Variants in MYO5B observed in about 807,000 individuals in gnomAD.
MYO5B encodes the protein unconventional myosin-Vb.
In MYO5B, 143 loss-of-function variants were observed where a neutral mutation model predicts 229.3. That is an observed-to-expected ratio of 0.62 (90% CI 0.54 to 0.72). MYO5B has a LOEUF of 0.72. Ranked by LOEUF, MYO5B falls within the 30% of genes least tolerant of loss-of-function variation. The pLI, the probability that MYO5B is intolerant of heterozygous loss-of-function variation, is 0.00. For synonymous variants in MYO5B, 918 were observed against 885.2 expected (o/e 1.04, Z -0.66); for missense variants, 2,321 against 2,331.0 (o/e 1.00, Z 0.09).
At chr18:49,846,170 C>A (rs2024123554) in intron 33 of MYO5B, among the ~76,000 whole-genome samples, 1 of 152,188 alleles carries the variant, frequency 6.6e-6, no homozygotes, top group South Asian at 2.1e-4. Context: ...TAAAAGCCAA[C>A]CCTGATGAAC....
intron 22 of MYO5B, among the ~76,000 whole-genome samples, chr18:49,887,847 A>AT (rs34414045): frequency 1.5e-3 from 227 of 150,740 alleles, no homozygotes; most frequent in South Asian, 4.7e-3. Flanking sequence ...AGCCCGGCTA[A>AT]TTTTTTTTTT....
intron 17 of MYO5B, among the ~76,000 whole-genome samples, chr18:49,916,684 T>A (rs540609447): frequency 6.6e-6 from 1 of 151,980 alleles, no homozygotes; most frequent in Non-Finnish European, 1.5e-5. Context: ...CCACCATCGC[T>A]TCGTGGCCGT....
intron 1 of MYO5B, among the ~76,000 whole-genome samples, chr18:50,192,020 G>T (rs996910073): frequency 1.3e-5 from 2 of 151,620 alleles, no homozygotes; most frequent in Non-Finnish European, 2.9e-5. Context: ...AAGAAGGGAC[G>T]AAGCGATGTC....
At chr18:49,846,369 C>T (rs1026306226) in intron 33 of MYO5B, among the ~76,000 whole-genome samples, 2 of 152,200 alleles carry the variant, frequency 1.3e-5, no homozygotes, top group African/African-American at 2.4e-5. Flanking sequence ...GCTGATGCTG[C>T]TGGTCCAGGG....
chr18:50,194,966 C>T lies in MYO5B; in HGVS notation c.-173G>A. 2.0e-6 allele frequency: 2 copies of T among 994,232 alleles called. No homozygotes were observed. Among genetic ancestry groups the T allele is most frequent in the East Asian group, 3.6e-5 (1 of 27,576 alleles). 61.6% of individuals were successfully genotyped at this position (994,232 alleles called of 1,614,324 possible). On this transcript the variant is annotated 5_prime_UTR_variant, in exon 1 of 40. Transcript: ENST00000285039. ...GCAGGCGCCGCGGCCGGCTCGCTCC[C>T]GGCGGCGCGACCTTTACTCCCGCCG...
chr18:50,079,799 C>A (rs1308851402), intron 1 of MYO5B, among the ~76,000 whole-genome samples: 1 of 152,094 alleles, frequency 6.6e-6, no homozygotes, highest in Non-Finnish European at 1.5e-5. Context: ...CCCTGGGCAA[C>A]AGCCCAGCTG....
chr18:49,904,854 T>C (rs2024882114), intron 19 of MYO5B, 26 bp from the exon 20 acceptor site: 5 of 1,611,988 alleles, frequency 3.1e-6, no homozygotes, highest in African/African-American at 1.3e-5. Flanking sequence ...AAACAGGCAG[T>C]GTCAGGGAGA....
At position 49,963,005 on chromosome 18, in the gene MYO5B, AG is replaced by A. The variant is rs1298330895; in HGVS notation, c.1347del (p.Phe450LeufsTer30). ...IYGFETFEVN[S>X]FEQFCINYAN... ...GCATAGTTGATACAGAACTGCTCAA[AG>A]CTGTTTACCTCAAATGTCTCAAACC... On this transcript the variant is annotated frameshift_variant, in exon 11 of 40. Transcript: ENST00000285039. LOFTEE classifies it high-confidence loss of function. The A allele has an allele frequency of 5.6e-6, 9 of 1,613,960 alleles. No individual in the cohort carries two copies. Among genetic ancestry groups the A allele is most frequent in the African/African-American group, 1.3e-5 (1 of 74,912 alleles).
In MYO5B at chr18:50,104,265, G is replaced by GATATAAATAT. The variant is rs1555659350; in HGVS notation, c.28-48888_28-48887insATATTTATAT. On this transcript the variant is annotated intron_variant, in intron 1 of 39. Coordinates refer to ENST00000285039, the MANE Select transcript of MYO5B (RefSeq NM_001080467.3). ...TTAAGATTCCTGGGGATCTATACAT[G>GATATAAATAT]ATATATATATATATATATATATATA... Among the ~76,000 whole-genome samples the GATATAAATAT allele has an allele frequency of 2.5e-3, 340 of 134,560 alleles. 1 individual carries two copies. The highest frequency in any genetic ancestry group is 4.5e-3 in the Non-Finnish European group (288 of 63,746). 88.3% of individuals were successfully genotyped at this position (134,560 alleles called of 152,430 possible). A position where few individuals can be genotyped will look rare whatever the true frequency, so the allele number is the denominator to read the frequency against.
chr18:50,077,319 A>AGGGTT (rs143212817), intron 1 of MYO5B, among the ~76,000 whole-genome samples: 1,962 of 152,248 alleles, frequency 0.013, 36 homozygotes, highest in African/African-American at 0.045. Context: ...GCACATAAAC[A>AGGGTT]GGGTTACAGG....
rs748242455 is a variant in MYO5B at position 49,837,746 on chromosome 18, C to T, written c.4909G>A (p.Gly1637Ser). The T allele has an allele frequency of 6.8e-6, 11 of 1,614,162 alleles. No homozygotes were observed. The highest frequency in any genetic ancestry group is 1.3e-5 in the African/African-American group (1 of 75,046). ...IQGLSGVKPT[G>S]YRKRSSSMAD... ...ATGCTGGAGGAGCGCTTCCGGTAGC[C>T]GGTGGGCTTCACACCAGATAGACCC... The change falls in exon 37 of 40, where the codon GGC becomes AGC. Residue 1637 changes from glycine (G) to serine (S), a missense_variant. Physicochemically the swap from Gly to Ser is moderately conservative, Grantham distance 56. Coordinates refer to ENST00000285039, the MANE Select transcript of MYO5B (RefSeq NM_001080467.3).
chr18:50,166,633 A>C (rs973643307), intron 1 of MYO5B, among the ~76,000 whole-genome samples: 11 of 152,200 alleles, frequency 7.2e-5, no homozygotes, highest in African/African-American at 2.4e-4. Context: ...ACACAAAATA[A>C]AAAGTAAAAT....
intron 1 of MYO5B, among the ~76,000 whole-genome samples, chr18:50,070,647 A>G (rs2030934409): frequency 6.6e-6 from 1 of 152,166 alleles, no homozygotes; most frequent in African/African-American, 2.4e-5. Flanking sequence ...CATCTCAAAA[A>G]CAAAAACACC....
chr18:50,133,454 G>T lies in MYO5B; in HGVS notation c.27+61313C>A, dbSNP rs535200023. On this transcript the variant is annotated intron_variant, in intron 1 of 39. Transcript: ENST00000285039. ...TAGAAAGAGTGAAAGCTCATATGGTGCAGACGTCAGAAACATGACCCAGAA... is the reference window on the plus strand; with the variant it reads ...TAGAAAGAGTGAAAGCTCATATGGTTCAGACGTCAGAAACATGACCCAGAA... Among the ~76,000 whole-genome samples the T allele has an allele frequency of 2.2e-4, 34 of 152,288 alleles. 1 individual carries two copies. In the South Asian group the frequency reaches 7.1e-3, roughly 32 times the overall value.
At chr18:50,185,056 G>A (rs1460132057) in intron 1 of MYO5B, among the ~76,000 whole-genome samples, 1 of 151,920 alleles carries the variant, frequency 6.6e-6, no homozygotes, top group Non-Finnish European at 1.5e-5. Flanking sequence ...TCCAGCCTGG[G>A]TGACAGAATG....
At chr18:49,857,205 T>G (rs2024273146) in intron 29 of MYO5B, among the ~76,000 whole-genome samples, 1 of 152,208 alleles carries the variant, frequency 6.6e-6, no homozygotes, top group African/African-American at 2.4e-5. Context: ...ACTCTGTAAA[T>G]GGCAGCAAGG....
chr18:50,142,568 T>C (rs775806788), intron 1 of MYO5B, among the ~76,000 whole-genome samples: 5 of 152,156 alleles, frequency 3.3e-5, no homozygotes, highest in Admixed American at 6.5e-5. Context: ...CCAAGGTATA[T>C]AGGGGATGTC....
Position 50,170,827 on chromosome 18 carries a change from C to T in MYO5B, c.27+23940G>A, listed in dbSNP as rs2032910962. On this transcript the variant is annotated intron_variant, in intron 1 of 39. Coordinates refer to ENST00000285039, the MANE Select transcript of MYO5B (RefSeq NM_001080467.3). ...GATTAGAAGATTATATTATGAATGA[C>T]TAGAACAAGAGATCAAGTAAGAGTA... is the stretch of plus-strand genomic sequence containing the variant. 1.6e-5 allele frequency among the ~76,000 whole-genome samples: 2 copies of T among 128,062 alleles called. 1 individual carries two copies. The highest frequency in any genetic ancestry group is 5.9e-5 in the African/African-American group (2 of 33,834). The allele number at this position is 128,062 out of a possible 152,430, so 84.0% of individuals were successfully genotyped here.
At chr18:49,994,142 C>G (rs1400606744) in intron 5 of MYO5B, among the ~76,000 whole-genome samples, 1 of 152,092 alleles carries the variant, frequency 6.6e-6, no homozygotes, top group Non-Finnish European at 1.5e-5. Context: ...TCCCTGATCC[C>G]GAGACTAGGG....
Sources: allele counts gnomAD v4.1 joint callset (sites outside exome capture counted in the v4.1 genomes callset), GRCh38; gene constraint gnomAD v4.1.1; transcripts MANE v1.5; gene names NCBI Gene and HGNC (gene_info 2026-07-23, HGNC 2026-07-21).